Variants in CD86 observed in about 807,000 individuals in gnomAD.
CD86 encodes the protein T-lymphocyte activation antigen CD86.
CD86 carries 11 observed loss-of-function variants against 32.1 expected under a neutral mutation model. That is an observed-to-expected ratio of 0.34 (90% CI 0.22 to 0.57). The LOEUF (loss-of-function observed/expected upper bound fraction) is 0.57, where lower values mean the gene tolerates loss of function less well. Among genes scored for constraint, CD86 ranks in the 20% least tolerant of loss-of-function variants. CD86 has a pLI of 0.86. For synonymous variants in CD86, 137 were observed against 135.3 expected (o/e 1.01, Z -0.09); for missense variants, 359 against 398.4 (o/e 0.90, Z 0.84).
intron 2 of CD86, among the ~76,000 whole-genome samples, chr3:122,097,781 A>G (rs2072931872): frequency 6.6e-6 from 1 of 152,144 alleles, no homozygotes; most frequent in Middle Eastern, 3.2e-3. Context: ...AGTGGAAAAC[A>G]GTGTCTTCAA....
chr3:122,088,814 ATTCCCC>A (rs528078680), intron 1 of CD86, among the ~76,000 whole-genome samples: 9 of 152,210 alleles, frequency 5.9e-5, no homozygotes, highest in Non-Finnish European at 8.8e-5. Context: ...TGATCTAGCA[ATTCCCC>A]TTCTGGGTAT....
chr3:122,094,928 C>CT, intron 2 of CD86, among the ~76,000 whole-genome samples: 1 of 152,322 alleles, frequency 6.6e-6, no homozygotes, highest in East Asian at 1.9e-4. Flanking sequence ...TTCTAACTTT[C>CT]AAGCTCTGTT....
At chr3:122,057,169 C>T (rs905459513) in intron 1 of CD86, among the ~76,000 whole-genome samples, 1 of 152,180 alleles carries the variant, frequency 6.6e-6, no homozygotes, top group African/African-American at 2.4e-5. Context: ...GTGATATCAT[C>T]TTTCTGGACA....
At chr3:122,101,324 A>G (rs2072995607) in intron 2 of CD86, among the ~76,000 whole-genome samples, 1 of 151,692 alleles carries the variant, frequency 6.6e-6, no homozygotes. Flanking sequence ...CGTGAATCTC[A>G]TTGGTCCATA....
Position 122,106,335 on chromosome 3 carries a change from A to G in CD86, c.538A>G (p.Ile180Val), listed in dbSNP as rs751374962. Reference sequence around the variant, plus strand: ...TTTGCTAAGAACCAAGAATTCAACTATCGAGTATGATGGTGTTATGCAGAA... The same window carrying G: ...TTTGCTAAGAACCAAGAATTCAACTGTCGAGTATGATGGTGTTATGCAGAA... The part of the protein sequence containing the change: ...SVLLRTKNST[I>V]EYDGVMQKSQ... The change falls in exon 4 of 7, where the codon ATC becomes GTC. Residue 180 changes from isoleucine (I) to valine (V), a missense_variant. Ile to Val is a conservative substitution (Grantham distance 29). Transcript: ENST00000330540. 1.2e-6 allele frequency: 2 copies of G among 1,614,166 alleles called. No individual in the cohort carries two copies. Among genetic ancestry groups the G allele is most frequent in the Non-Finnish European group, 1.7e-6 (2 of 1,179,998 alleles).
intron 2 of CD86, among the ~76,000 whole-genome samples, chr3:122,098,172 T>C (rs1169066768): frequency 6.6e-6 from 1 of 152,118 alleles, no homozygotes; most frequent in African/African-American, 2.4e-5. Context: ...TAACCAAACA[T>C]ACCGTGTCAT....
chr3:122,086,744 C>T, intron 1 of CD86: 1 of 396,360 alleles, frequency 2.5e-6, no homozygotes, highest in Non-Finnish European at 5.2e-6. Context: ...CCCTTCTTCT[C>T]CCACCCCAGT....
intron 6 of CD86, among the ~76,000 whole-genome samples, chr3:122,118,652 A>T (rs1457644446): frequency 6.6e-6 from 1 of 152,194 alleles, no homozygotes; most frequent in Non-Finnish European, 1.5e-5. Context: ...TTTCTTAATA[A>T]CACCAGATTA....
chr3:122,067,916 A>G (rs781077866), intron 1 of CD86, among the ~76,000 whole-genome samples: 55 of 152,282 alleles, frequency 3.6e-4, no homozygotes, highest in Admixed American at 1.1e-3. Context: ...AGGGAGCTGC[A>G]AAAATTGCAA....
chr3:122,099,233 C>G (rs983808154), intron 2 of CD86, among the ~76,000 whole-genome samples: 9 of 151,012 alleles, frequency 6.0e-5, no homozygotes, highest in African/African-American at 2.2e-4. Flanking sequence ...CCAACACTTG[C>G]ATTTGACACA....
intron 3 of CD86, among the ~76,000 whole-genome samples, chr3:122,105,339 A>G (rs1164070047): frequency 1.3e-5 from 2 of 152,248 alleles, no homozygotes. Context: ...AGACTGCTCA[A>G]ATAGTACACT....
chr3:122,075,211 C>T (rs1369597527), intron 1 of CD86, among the ~76,000 whole-genome samples: 1 of 152,170 alleles, frequency 6.6e-6, no homozygotes, highest in South Asian at 2.1e-4. Context: ...TGAGAGCCTT[C>T]TCTGCTAGGA....
At chr3:122,086,807 T>C (rs1189470824) in intron 1 of CD86, among the ~76,000 whole-genome samples, 1 of 152,182 alleles carries the variant, frequency 6.6e-6, no homozygotes, top group East Asian at 1.9e-4. Context: ...CACCTGGCCC[T>C]AGGCTGTGCT....
At chr3:122,113,874 G>C (rs1358507854) in intron 5 of CD86, among the ~76,000 whole-genome samples, 1 of 152,204 alleles carries the variant, frequency 6.6e-6, no homozygotes, top group Non-Finnish European at 1.5e-5. Context: ...GATTGAGCTT[G>C]ATGGTATGAC....
chr3:122,116,142 T>TA (rs374894495), intron 5 of CD86, among the ~76,000 whole-genome samples: 13 of 152,338 alleles, frequency 8.5e-5, no homozygotes, highest in African/African-American at 3.1e-4. Context: ...CATAAAAAGA[T>TA]AAAATGGATG....
At chr3:122,115,210 ATAC>A (rs950228836) in intron 5 of CD86, among the ~76,000 whole-genome samples, 22 of 152,178 alleles carry the variant, frequency 1.4e-4, no homozygotes, top group African/African-American at 5.1e-4. Flanking sequence ...TTATTTCTAT[ATAC>A]TAACAAAAGC....
intron 1 of CD86, among the ~76,000 whole-genome samples, chr3:122,057,661 G>GATGTGTGATAATTT (rs1407746460): frequency 1.1e-4 from 17 of 152,106 alleles, no homozygotes; most frequent in Admixed American, 5.9e-4. Flanking sequence ...ACCATCTAGT[G>GATGTGTGATAATTT]ATGTGTGATA....
intron 1 of CD86, among the ~76,000 whole-genome samples, chr3:122,072,797 T>C (rs888020128): frequency 6.6e-6 from 1 of 152,198 alleles, no homozygotes; most frequent in African/African-American, 2.4e-5. Flanking sequence ...AGACATGAAG[T>C]CCTTGCCCAT....
At chr3:122,109,091 C>T (rs180794978) in intron 4 of CD86, among the ~76,000 whole-genome samples, 174 bp from the exon 5 acceptor site, 37 of 152,276 alleles carry the variant, frequency 2.4e-4, no homozygotes, top group Non-Finnish European at 4.1e-4. Context: ...ATTCTTAGGT[C>T]GCTGCTGAGG....
Sources: gnomAD v4.1 joint callset for allele counts (sites outside exome capture counted in the v4.1 genomes callset) on GRCh38, gnomAD v4.1.1 for gene constraint, MANE v1.5 for transcripts, NCBI Gene and HGNC (gene_info 2026-07-23, HGNC 2026-07-21) for gene names.